The following MGST2 variants were observed in gnomAD, a reference collection of about 807,000 sequenced individuals.
MGST2 encodes the protein microsomal glutathione S-transferase 2.
In MGST2, 9 loss-of-function variants were observed where a neutral mutation model predicts 16.6. The observed-to-expected ratio is 0.54, with a 90% CI of 0.33 to 0.95. The LOEUF is 0.95. Among genes scored for constraint, MGST2 ranks in the 40% least tolerant of loss-of-function variants. The probability of loss-of-function intolerance (pLI) is 0.03; values close to 1 mark genes in which losing one functional copy is unlikely to be tolerated. For missense variants in MGST2, 159 were observed against 175.1 expected (o/e 0.91, Z 0.52); for synonymous variants, 79 against 68.0 (o/e 1.16, Z -0.79).
chr4:139,711,531 C>G (rs1442906588), intron 5 of MGST2, among the ~76,000 whole-genome samples: 1 of 152,150 alleles, frequency 6.6e-6, no homozygotes, highest in Non-Finnish European at 1.5e-5. Flanking sequence ...ATTGCCATGG[C>G]ATTTGTAAAC....
At chr4:139,752,827 C>T in the MGST2 span, among the ~76,000 whole-genome samples, 1 of 152,170 alleles carries the variant, frequency 6.6e-6, no homozygotes, top group African/African-American at 2.4e-5. Context: ...TGTCCCTCTA[C>T]ATTGATAACC....
intron 2 of MGST2, among the ~76,000 whole-genome samples, chr4:139,689,420 A>G (rs1372674384): frequency 1.3e-5 from 2 of 152,148 alleles, no homozygotes; most frequent in Non-Finnish European, 2.9e-5. Context: ...AGCAATTTAG[A>G]CAGTTACACG....
downstream of MGST2, among the ~76,000 whole-genome samples, chr4:139,743,660 CG>C (rs921037468): frequency 2.0e-5 from 3 of 152,136 alleles, no homozygotes; most frequent in African/African-American, 7.2e-5. Context: ...GGATACCACA[CG>C]GGGAAAAGCC....
At chr4:139,753,045 C>T in the MGST2 span, among the ~76,000 whole-genome samples, 7 of 152,094 alleles carry the variant, frequency 4.6e-5, no homozygotes, top group South Asian at 4.2e-4. Flanking sequence ...GACTTATGAC[C>T]GTCTTGAATC....
At chr4:139,725,810 C>T (rs370251805) in intron 5 of MGST2, 119 of 1,613,750 alleles carry the variant, frequency 7.4e-5, no homozygotes, top group African/African-American at 6.5e-4. Flanking sequence ...GAGGTGCTGC[C>T]GGGGTAGATG....
At chr4:139,723,558 C>T (rs1459384159) in intron 5 of MGST2, among the ~76,000 whole-genome samples, 3 of 152,100 alleles carry the variant, frequency 2.0e-5, no homozygotes, top group Non-Finnish European at 4.4e-5. Context: ...GTGAACTGCC[C>T]GCCTCGGCCT....
intron 1 of MGST2, among the ~76,000 whole-genome samples, chr4:139,669,130 C>T (rs1730529331): frequency 2.0e-5 from 3 of 152,060 alleles, no homozygotes; most frequent in African/African-American, 4.8e-5. Context: ...ACATCTGACA[C>T]CTTTTCCCCA....
Position 139,666,049 on chromosome 4 carries a change from TGTCTCTATTCTCTCG to T in MGST2, c.32_46del (p.Val11_Ser15del). On this transcript the variant is annotated inframe_deletion, in exon 1 of 5. Coordinates refer to ENST00000265498, the MANE Select transcript of MGST2 (RefSeq NM_002413.5). Reference sequence around the variant, plus strand: ...CCGGGAACTCGATCCTGCTGGCTGCTGTCTCTATTCTCTCGGCCTGTCAGCAAAGTAAGAGGCATG... The same window carrying T: ...CCGGGAACTCGATCCTGCTGGCTGCTGCCTGTCAGCAAAGTAAGAGGCATG... The T allele has an allele frequency of 3.1e-6, 5 of 1,614,132 alleles. No homozygotes were observed. The highest frequency in any genetic ancestry group is 4.2e-6 in the Non-Finnish European group (5 of 1,180,024).
downstream of MGST2, among the ~76,000 whole-genome samples, chr4:139,706,135 C>T (rs1172229269): frequency 6.6e-6 from 1 of 152,140 alleles, no homozygotes; most frequent in Admixed American, 6.5e-5. Context: ...TCCCATAATA[C>T]ATAACCTCCT....
At chr4:139,721,152 C>G (rs972006711) in intron 5 of MGST2, among the ~76,000 whole-genome samples, 3 of 152,224 alleles carry the variant, frequency 2.0e-5, no homozygotes, top group African/African-American at 7.2e-5. Context: ...GACTATTTCT[C>G]TCAGCAAATT....
chr4:139,721,767 TA>T lies in MGST2; in HGVS notation c.*48+17572del, dbSNP rs533176294. ...GGAAATCCCTAGAAATGTTTTCATA[TA>T]TTTTTTTAAGCTTCATTATATCTAA... is the stretch of plus-strand genomic sequence containing the variant. On this transcript the variant is annotated intron_variant, in intron 5 of 5. Transcript: ENST00000616265. 3.2e-4 allele frequency among the ~76,000 whole-genome samples: 49 copies of T among 152,344 alleles called. 1 individual carries two copies. In the East Asian group the frequency reaches 3.9e-3, roughly 12 times the overall value.
chr4:139,704,165 T>A lies in MGST2; in HGVS notation c.*17T>A, dbSNP rs756069973. The A allele has an allele frequency of 1.9e-6, 3 of 1,613,684 alleles. No individual in the cohort carries two copies. The highest frequency in any genetic ancestry group is 2.5e-6 in the Non-Finnish European group (3 of 1,179,670). ...CAATTCTAACTTTTTCTCTTCCCTTTAATACTTGCAGAAGCTGTTCCCACC... is the reference window on the plus strand; with the variant it reads ...CAATTCTAACTTTTTCTCTTCCCTTAAATACTTGCAGAAGCTGTTCCCACC... On this transcript the variant is annotated 3_prime_UTR_variant, in exon 5 of 5. Transcript: ENST00000265498.
At chr4:139,717,862 T>C (rs1728051400) in intron 5 of MGST2, 1 of 151,970 alleles carries the variant, frequency 6.6e-6, no homozygotes, top group African/African-American at 2.4e-5. Context: ...AGGAGCCTTG[T>C]TGATTCCTTC....
At chr4:139,719,884 A>G in intron 5 of MGST2, 1 of 1,613,918 alleles carries the variant, frequency 6.2e-7, no homozygotes. Flanking sequence ...CTGTTCCCAT[A>G]AGGCTCTGCA....
At chr4:139,700,224 C>T (rs900190142) in intron 3 of MGST2, among the ~76,000 whole-genome samples, 3 of 148,686 alleles carry the variant, frequency 2.0e-5, no homozygotes, top group East Asian at 2.0e-4. Context: ...CTCCGCCTCC[C>T]GGGTTCACGC....
intron 5 of MGST2, among the ~76,000 whole-genome samples, chr4:139,728,741 CCTT>C (rs887326167): frequency 5.3e-5 from 8 of 152,186 alleles, no homozygotes; most frequent in Non-Finnish European, 7.4e-5. Flanking sequence ...CCTCTCACCT[CCTT>C]GTCTGGGGGC....
downstream of MGST2, chr4:139,704,374 A>T: frequency 1.8e-6 from 1 of 549,306 alleles, no homozygotes; most frequent in East Asian, 3.5e-5. Context: ...TTAGAAATGC[A>T]TGCTGAAGTC....
chr4:139,705,050 G>T (rs183557652), downstream of MGST2, among the ~76,000 whole-genome samples: 504 of 152,236 alleles, frequency 3.3e-3, 3 homozygotes, highest in South Asian at 0.03. Context: ...GGAAAAGAAA[G>T]AAATTTAATT....
chr4:139,677,537 T>G (rs1731026574), intron 1 of MGST2, among the ~76,000 whole-genome samples: 1 of 152,038 alleles, frequency 6.6e-6, no homozygotes, highest in Non-Finnish European at 1.5e-5. Flanking sequence ...GTTTCACTCT[T>G]GTTGTCCAGG....
Sources: allele counts gnomAD v4.1 joint callset (sites outside exome capture counted in the v4.1 genomes callset), GRCh38; gene constraint gnomAD v4.1.1; transcripts MANE v1.5; gene names NCBI Gene and HGNC (gene_info 2026-07-23, HGNC 2026-07-21).